NRG3: variants seen among roughly 807,000 people sequenced by gnomAD.
NRG3 encodes neuregulin 3, also known as pro-neuregulin-3, membrane-bound isoform.
In NRG3, 31 loss-of-function variants were observed where a neutral mutation model predicts 66.9. That is an observed-to-expected ratio of 0.46 (90% CI 0.35 to 0.63). The LOEUF (loss-of-function observed/expected upper bound fraction) is 0.63. Ranked by LOEUF, NRG3 falls within the 20% of genes least tolerant of loss-of-function variation. NRG3 has a pLI of 0.00. For missense variants in NRG3, 910 were observed against 878.9 expected, an observed-to-expected ratio of 1.04 and a Z score of -0.45; for synonymous variants, 393 against 359.4, an observed-to-expected ratio of 1.09 and a Z score of -1.06.
rs139427541 is a variant in NRG3, at chr10:82,888,534, G to T, written c.1054+23097G>T. ...TTAAATCTTGGAGTGTAAGTAGATA[G>T]CATGATACATCTTGGGAAATGCTTA... On this transcript the variant is annotated intron_variant, in intron 4 of 8. Transcript: ENST00000372141. 1.2e-4 allele frequency among the ~76,000 whole-genome samples: 19 copies of T among 152,148 alleles called. No individual in the cohort carries two copies. The East Asian group carries it at 3.7e-3, about 29-fold the overall frequency.
intron 3 of NRG3, among the ~76,000 whole-genome samples, chr10:82,771,727 CTA>C (rs1047077875): frequency 9.2e-5 from 14 of 152,178 alleles, no homozygotes. Context: ...TGATGAATCA[CTA>C]TGTTATAACA....
chr10:82,752,030 T>C (rs943928773), intron 3 of NRG3, among the ~76,000 whole-genome samples: 3 of 152,160 alleles, frequency 2.0e-5, no homozygotes, highest in Admixed American at 6.6e-5. Context: ...GTAATTTTGA[T>C]TGAATGAGTG....
chr10:82,727,005 C>A (rs2057639201), intron 2 of NRG3, among the ~76,000 whole-genome samples: 1 of 152,092 alleles, frequency 6.6e-6, no homozygotes, highest in Admixed American at 6.5e-5. Context: ...ATTTGTGCAA[C>A]TTTGAACTTG....
intron 4 of NRG3, among the ~76,000 whole-genome samples, chr10:82,897,965 A>G (rs993351462): frequency 4.6e-5 from 7 of 152,184 alleles, no homozygotes; most frequent in Non-Finnish European, 7.3e-5. Flanking sequence ...AGCACTTACT[A>G]TAAGGAGGAA....
intron 1 of NRG3, among the ~76,000 whole-genome samples, chr10:82,147,322 C>T (rs2070333447): frequency 6.6e-6 from 1 of 152,128 alleles, no homozygotes; most frequent in Non-Finnish European, 1.5e-5. Context: ...ATTTGATTTT[C>T]CCTGTGATCC....
intron 1 of NRG3, among the ~76,000 whole-genome samples, chr10:82,325,706 A>G: frequency 6.6e-6 from 1 of 151,334 alleles, no homozygotes; most frequent in East Asian, 1.9e-4. Context: ...TGATAGTTTT[A>G]GTATATACCT....
intron 1 of NRG3, among the ~76,000 whole-genome samples, chr10:82,099,798 C>T (rs1564561847): frequency 1.3e-5 from 2 of 151,242 alleles, no homozygotes. Flanking sequence ...TTCCTCTCTA[C>T]AAAAATGTAA....
chr10:82,173,579 A>G (rs1291024105), intron 1 of NRG3, among the ~76,000 whole-genome samples: 1 of 151,968 alleles, frequency 6.6e-6, no homozygotes. Flanking sequence ...GGGATTGACA[A>G]TTACAGGTGA....
intron 2 of NRG3, among the ~76,000 whole-genome samples, chr10:82,525,247 T>A (rs759670887): frequency 6.6e-5 from 10 of 151,858 alleles, no homozygotes; most frequent in Non-Finnish European, 1.3e-4. Context: ...ATGCTTTTAC[T>A]CTGGATAGAA....
chr10:81,957,457 C>T (rs1589594334), intron 1 of NRG3, among the ~76,000 whole-genome samples: 1 of 151,988 alleles, frequency 6.6e-6, no homozygotes, highest in Non-Finnish European at 1.5e-5. Flanking sequence ...CTCCCACCCC[C>T]ACACGAATTT....
chr10:82,556,539 C>T (rs2044665479), intron 2 of NRG3, among the ~76,000 whole-genome samples: 1 of 151,918 alleles, frequency 6.6e-6, no homozygotes, highest in Admixed American at 6.6e-5. Flanking sequence ...ATGGCATCTG[C>T]CCTTCTTCTC....
At chr10:82,002,681 G>T (rs1342903179) in intron 1 of NRG3, among the ~76,000 whole-genome samples, 2 of 152,058 alleles carry the variant, frequency 1.3e-5, no homozygotes, top group Non-Finnish European at 2.9e-5. Flanking sequence ...TATGGTTTTG[G>T]CTTCACTGAG....
intron 2 of NRG3, among the ~76,000 whole-genome samples, chr10:82,631,137 A>G (rs544498882): frequency 6.6e-6 from 1 of 152,194 alleles, no homozygotes; most frequent in Non-Finnish European, 1.5e-5. Flanking sequence ...TCTGCTGAGA[A>G]AAAGAACCTA....
chr10:82,686,463 T>C (rs2134165722), intron 2 of NRG3, among the ~76,000 whole-genome samples: 1 of 152,172 alleles, frequency 6.6e-6, no homozygotes, highest in South Asian at 2.1e-4. Flanking sequence ...GCTGGGATTA[T>C]AGGCACGAGC....
At chr10:82,382,952 C>A (rs1448874213) in intron 2 of NRG3, among the ~76,000 whole-genome samples, 1 of 151,822 alleles carries the variant, frequency 6.6e-6, no homozygotes. Context: ...GTACTTAAGA[C>A]TTTAATTTAA....
intron 1 of NRG3, among the ~76,000 whole-genome samples, chr10:82,023,356 C>T (rs1273380913): frequency 6.6e-6 from 1 of 151,902 alleles, no homozygotes; most frequent in African/African-American, 2.4e-5. Context: ...ATTTCTTTCC[C>T]TTGCCCAATT....
chr10:82,579,283 T>C (rs2046216472), intron 2 of NRG3, among the ~76,000 whole-genome samples: 2 of 151,726 alleles, frequency 1.3e-5, no homozygotes, highest in Non-Finnish European at 2.9e-5. Flanking sequence ...AGTTAACATA[T>C]CATAAATAAA....
At position 82,722,134 on chromosome 10, in the gene NRG3, T is replaced by C. The variant is rs192838755; in HGVS notation, c.954-16443T>C. Among the ~76,000 whole-genome samples, 45 of 152,294 alleles carry C rather than the reference T, an allele frequency of 3.0e-4. No homozygotes were observed. In the East Asian group the frequency reaches 7.7e-3, roughly 26 times the overall value. On this transcript the variant is annotated intron_variant, in intron 2 of 8. Coordinates refer to ENST00000372141, the MANE Select transcript of NRG3 (RefSeq NM_001010848.4). ...AGAGGAAGTATGAAATAGAAGAAAGTACATTGAATTTAGAAACAGAACATG... is the reference window on the plus strand; with the variant it reads ...AGAGGAAGTATGAAATAGAAGAAAGCACATTGAATTTAGAAACAGAACATG...
chr10:82,290,320 A>G (rs1490320489), intron 1 of NRG3, among the ~76,000 whole-genome samples: 4 of 152,318 alleles, frequency 2.6e-5, no homozygotes, highest in African/African-American at 9.6e-5. Context: ...TTATTTGTTC[A>G]GTGCTCTCAC....
Sources: allele counts gnomAD v4.1 joint callset (sites outside exome capture counted in the v4.1 genomes callset), GRCh38; gene constraint gnomAD v4.1.1; transcripts MANE v1.5; gene names NCBI Gene and HGNC (gene_info 2026-07-23, HGNC 2026-07-21).